The following HAO1 variants were observed in gnomAD, a reference collection of about 807,000 sequenced individuals.
HAO1 encodes hydroxyacid oxidase 1, also known as 2-Hydroxyacid oxidase 1.
Under a neutral mutation model 39.7 loss-of-function variants are expected in HAO1, and 34 were observed. The observed-to-expected ratio is 0.86, with a 90% CI of 0.65 to 1.14. The LOEUF is 1.14. Ranked by LOEUF, HAO1 falls within the 50% of genes most tolerant of loss-of-function variation. HAO1 has a pLI of 0.00. For synonymous variants in HAO1, 172 were observed against 173.2 expected (o/e 0.99, Z 0.05); for missense variants, 479 against 464.5 (o/e 1.03, Z -0.29).
chr20:7,899,145 T>G (rs1463680630), intron 4 of HAO1, among the ~76,000 whole-genome samples: 1 of 151,912 alleles, frequency 6.6e-6, no homozygotes, highest in Non-Finnish European at 1.5e-5. Flanking sequence ...TTAAGGTAAG[T>G]CATCAGTCCA....
At position 7,885,816 on chromosome 20, in the gene HAO1, C is replaced by G; in HGVS notation, c.862G>C (p.Val288Leu). The G allele has an allele frequency of 1.2e-6, 2 of 1,613,390 alleles. No individual in the cohort carries two copies. Among genetic ancestry groups the G allele is most frequent in the Non-Finnish European group, 8.5e-7 (1 of 1,179,356 alleles). Reference sequence around the variant, plus strand: ...TTCCGCACACCCCCGTCCAGGAAGACTTCCACCTTCCCTTCCACAGCCTCC... The same window carrying G: ...TTCCGCACACCCCCGTCCAGGAAGAGTTCCACCTTCCCTTCCACAGCCTCC... ...IVEAVEGKVE[V>L]FLDGGVRKGT... The change falls in exon 6 of 8, where the codon GTC becomes CTC. Residue 288 changes from valine (V) to leucine (L), a missense_variant. Coordinates refer to ENST00000378789, the MANE Select transcript of HAO1 (RefSeq NM_017545.3).
chr20:7,921,466 A>G (rs1600117453), intron 2 of HAO1, among the ~76,000 whole-genome samples: 1 of 152,152 alleles, frequency 6.6e-6, no homozygotes, highest in South Asian at 2.1e-4. Context: ...TATGTTGGTG[A>G]GTCTGTGGAG....
intron 7 of HAO1, 39 bp from the exon 8 acceptor site, chr20:7,883,702 C>T (rs778539943): frequency 1.5e-6 from 2 of 1,308,484 alleles, no homozygotes; most frequent in Admixed American, 1.7e-5. Context: ...GAACTGAATG[C>T]AATAATAATC....
At chr20:7,924,401 C>G (rs922392093) in intron 2 of HAO1, among the ~76,000 whole-genome samples, 3 of 152,054 alleles carry the variant, frequency 2.0e-5, no homozygotes, top group African/African-American at 7.2e-5. Context: ...TGTTTAATGT[C>G]AAATCCAACA....
chr20:7,904,587 A>C (rs1356268959), intron 4 of HAO1, among the ~76,000 whole-genome samples: 1 of 152,074 alleles, frequency 6.6e-6, no homozygotes, highest in Non-Finnish European at 1.5e-5. Context: ...CTCTTACATT[A>C]TTGCCCATAT....
intron 5 of HAO1, among the ~76,000 whole-genome samples, chr20:7,891,790 A>G (rs1050832125): frequency 6.6e-6 from 1 of 152,106 alleles, no homozygotes; most frequent in African/African-American, 2.4e-5. Flanking sequence ...CCATTTGGCT[A>G]TTTTTCCCTT....
intron 3 of HAO1, among the ~76,000 whole-genome samples, chr20:7,907,103 A>T (rs568826970): frequency 6.6e-6 from 1 of 152,144 alleles, no homozygotes; most frequent in South Asian, 2.1e-4. Context: ...TGGGCATGGG[A>T]GAAGTGGGAA....
chr20:7,896,824 C>T (rs1354594606), intron 4 of HAO1, among the ~76,000 whole-genome samples: 1 of 152,136 alleles, frequency 6.6e-6, no homozygotes, highest in African/African-American at 2.4e-5. Context: ...CCTTATTCCC[C>T]ACCTGAAGAT....
At chr20:7,939,566 A>G (rs1044713060) in intron 1 of HAO1, among the ~76,000 whole-genome samples, 12 of 152,160 alleles carry the variant, frequency 7.9e-5, no homozygotes, top group African/African-American at 2.4e-4. Flanking sequence ...AGTGTAGTGA[A>G]GGCACTCCTC....
At chr20:7,896,157 A>C (rs2050196672) in intron 4 of HAO1, among the ~76,000 whole-genome samples, 1 of 152,210 alleles carries the variant, frequency 6.6e-6, no homozygotes, top group African/African-American at 2.4e-5. Context: ...TTAAAAATAG[A>C]TTACTGTTCT....
Position 7,914,258 on chromosome 20 carries a change from C to T in HAO1, c.451G>A (p.Gly151Ser). ...KKLVRQAEKM[G>S]YKAIFVTVDT... ...ACTGTCACAAATATGGCCTTGTAGC[C>T]CATCTTCTCTGCCTGCCGCACTAGC... The change falls in exon 3 of 8, where the codon GGC becomes AGC. Residue 151 changes from glycine to serine, a missense_variant. Gly to Ser is a moderately conservative substitution (Grantham distance 56). Coordinates refer to ENST00000378789, the MANE Select transcript of HAO1 (RefSeq NM_017545.3). 6.2e-7 allele frequency: 1 copy of T among 1,614,018 alleles called. No individual in the cohort carries two copies. Among genetic ancestry groups the T allele is most frequent in the East Asian group, 2.2e-5 (1 of 44,844 alleles).
rs1048741436 is a variant in HAO1, at chr20:7,883,254, C to G, written c.*339G>C. The G allele has an allele frequency of 3.4e-6, 1 of 294,046 alleles. No homozygotes were observed. Among genetic ancestry groups the G allele is most frequent in the African/African-American group, 2.1e-5 (1 of 47,212 alleles). The allele number at this position is 294,046 out of a possible 1,614,324, so 18.2% of individuals were successfully genotyped here. A position where few individuals can be genotyped will look rare whatever the true frequency, so the allele number is the denominator to read the frequency against. On this transcript the variant is annotated 3_prime_UTR_variant, in exon 8 of 8. Transcript: ENST00000378789. ...GGTTAATAAACAATGAGATCATTAT[C>G]TTTTCACCTTAGTGTTTGCTACCTC...
chr20:7,903,805 GTGGTGGGTGGCAGCAGTGC>G lies in HAO1; in HGVS notation c.721+2330_721+2348del, dbSNP rs2050234054. On this transcript the variant is annotated intron_variant, in intron 4 of 7. Coordinates refer to ENST00000378789, the MANE Select transcript of HAO1 (RefSeq NM_017545.3). ...GGGAGTGGTGATGGTGATAGCAGTG[GTGGTGGGTGGCAGCAGTGC>G]TGGTGGTTGTCCTGGTAATGGAGAT... Among the ~76,000 whole-genome samples, 4 of 149,768 alleles carry G rather than the reference GTGGTGGGTGGCAGCAGTGC, an allele frequency of 2.7e-5. No homozygotes were observed. The South Asian group carries it at 8.6e-4, about 32-fold the overall frequency.
Position 7,920,657 on chromosome 20 carries a change from A to G in HAO1, c.290-6238T>C, listed in dbSNP as rs184703311. ...TGAGACCTACCTTTTTAGATTCCACATATAAGTAAGATCATATAGTATCTG... is the reference window on the plus strand; with the variant it reads ...TGAGACCTACCTTTTTAGATTCCACGTATAAGTAAGATCATATAGTATCTG... On this transcript the variant is annotated intron_variant, in intron 2 of 7. Coordinates refer to ENST00000378789, the MANE Select transcript of HAO1 (RefSeq NM_017545.3). Among the ~76,000 whole-genome samples, 4 of 152,196 alleles carry G rather than the reference A, an allele frequency of 2.6e-5. No individual in the cohort carries two copies. The East Asian group carries it at 7.7e-4, about 29-fold the overall frequency.
intron 2 of HAO1, among the ~76,000 whole-genome samples, chr20:7,925,620 A>G (rs2050355510): frequency 2.0e-5 from 3 of 152,190 alleles, no homozygotes; most frequent in South Asian, 2.1e-4. Flanking sequence ...AGGCCTTTAA[A>G]TAATGGTTTT....
intron 1 of HAO1, among the ~76,000 whole-genome samples, chr20:7,936,550 G>GTGTGTGTGT (rs1292549632): frequency 1.4e-5 from 2 of 141,068 alleles, no homozygotes; most frequent in South Asian, 2.2e-4. Flanking sequence ...GTGTGTGTTC[G>GTGTGTGTGT]CGCGCGCGCG....
intron 2 of HAO1, among the ~76,000 whole-genome samples, chr20:7,933,522 G>A (rs1007792840): frequency 1.3e-5 from 2 of 151,920 alleles, no homozygotes; most frequent in African/African-American, 4.8e-5. Context: ...ATTTGTATGT[G>A]GTCCTAGAAT....
In HAO1 at chr20:7,924,009, C is replaced by T. The variant is rs189774555; in HGVS notation, c.290-9590G>A. Reference sequence around the variant, plus strand: ...TTTGCCAATGGCCCGCCATGCCTTGCTGATAAATCTGCCTTTCTTCTAGCC... The same window carrying T: ...TTTGCCAATGGCCCGCCATGCCTTGTTGATAAATCTGCCTTTCTTCTAGCC... On this transcript the variant is annotated intron_variant, in intron 2 of 7. Coordinates refer to ENST00000378789, the MANE Select transcript of HAO1 (RefSeq NM_017545.3). 9.2e-5 allele frequency among the ~76,000 whole-genome samples: 14 copies of T among 152,284 alleles called. No homozygotes were observed. The East Asian group carries it at 2.5e-3, about 27-fold the overall frequency.
intron 4 of HAO1, among the ~76,000 whole-genome samples, chr20:7,901,815 A>C (rs1043231501): frequency 6.6e-6 from 1 of 152,336 alleles, no homozygotes; most frequent in South Asian, 2.1e-4. Context: ...GATGCCATTA[A>C]GAACATTTGT....
Sources: gnomAD v4.1 joint callset for allele counts (sites outside exome capture counted in the v4.1 genomes callset) on GRCh38, gnomAD v4.1.1 for gene constraint, MANE v1.5 for transcripts, NCBI Gene and HGNC (gene_info 2026-07-23, HGNC 2026-07-21) for gene names.